SIPA1L1: variants seen among roughly 807,000 people sequenced by gnomAD.
SIPA1L1 encodes the protein signal induced proliferation associated 1 like 1.
A neutral mutation model predicts 162.7 loss-of-function variants in SIPA1L1; 26 were observed. The ratio of observed to expected loss-of-function variants is 0.16; its 90% CI spans 0.12 to 0.22. The LOEUF (loss-of-function observed/expected upper bound fraction) is 0.22. Among genes scored for constraint, SIPA1L1 ranks in the 10% least tolerant of loss-of-function variants. The pLI is 1.00. For synonymous variants in SIPA1L1, 829 were observed against 837.4 expected, an observed-to-expected ratio of 0.99 and a Z score of 0.17; for missense variants, 1,874 against 2,241.0, an observed-to-expected ratio of 0.84 and a Z score of 3.31.
At chr14:71,385,965 C>T (rs1368332139) in intron 2 of SIPA1L1, among the ~76,000 whole-genome samples, 2 of 152,156 alleles carry the variant, frequency 1.3e-5, no homozygotes, top group South Asian at 2.1e-4. Flanking sequence ...GGATTACAAG[C>T]GTGTGCCATC....
intron 2 of SIPA1L1, among the ~76,000 whole-genome samples, chr14:71,439,634 T>C (rs1335267271): frequency 6.6e-6 from 1 of 152,250 alleles, no homozygotes; most frequent in Non-Finnish European, 1.5e-5. Flanking sequence ...TAAAGTGTCA[T>C]GGACATTATA....
chr14:71,466,775 C>G (rs1595608745), intron 2 of SIPA1L1, among the ~76,000 whole-genome samples: 1 of 152,120 alleles, frequency 6.6e-6, no homozygotes, highest in Non-Finnish European at 1.5e-5. Flanking sequence ...TGTTCATGGT[C>G]TCAAGCACAT....
intron 2 of SIPA1L1, among the ~76,000 whole-genome samples, chr14:71,502,255 A>AAAAATATATATAT (rs67020418): frequency 3.2e-4 from 31 of 97,542 alleles, no homozygotes; most frequent in Non-Finnish European, 5.6e-4. Flanking sequence ...AAAAAAAAAA[A>AAAAATATATATAT]ATATATATAT....
chr14:71,341,987 A>G (rs933939688), intron 2 of SIPA1L1, among the ~76,000 whole-genome samples: 5 of 151,940 alleles, frequency 3.3e-5, no homozygotes, highest in African/African-American at 1.2e-4. Context: ...GTGTCTTTTC[A>G]GTAGAATGAC....
At position 71,706,986 on chromosome 14, in the gene SIPA1L1, G is replaced by C. The variant is rs536013128; in HGVS notation, c.3765+1646G>C. ...GGAGGCAGAGGTTGCAGTGAGCTGAGATCATGCCACTGCACGCCAGCCTGG... is the reference window on the plus strand; with the variant it reads ...GGAGGCAGAGGTTGCAGTGAGCTGACATCATGCCACTGCACGCCAGCCTGG... On this transcript the variant is annotated intron_variant, in intron 16 of 23. Transcript: ENST00000381232. 5.4e-5 allele frequency among the ~76,000 whole-genome samples: 8 copies of C among 147,570 alleles called. No individual in the cohort carries two copies. The South Asian group carries it at 1.8e-3, about 33-fold the overall frequency.
intron 12 of SIPA1L1, among the ~76,000 whole-genome samples, chr14:71,677,454 G>C (rs372863066): frequency 1.3e-5 from 2 of 152,166 alleles, no homozygotes; most frequent in African/African-American, 4.8e-5. Context: ...GTTTATTTTG[G>C]TGTGCAGAAG....
chr14:71,727,664 A>G (rs1325584473), intron 19 of SIPA1L1, among the ~76,000 whole-genome samples: 2 of 152,128 alleles, frequency 1.3e-5, no homozygotes, highest in African/African-American at 4.8e-5. Context: ...TCCCACTTCC[A>G]GTGCCATCCC....
chr14:71,535,634 C>CA (rs1187662344), intron 4 of SIPA1L1, among the ~76,000 whole-genome samples: 1 of 151,104 alleles, frequency 6.6e-6, no homozygotes, highest in Admixed American at 6.6e-5. Flanking sequence ...TCTTTTGAGA[C>CA]AGAGTCTCAG....
chr14:71,451,949 A>G (rs893761271), intron 2 of SIPA1L1, among the ~76,000 whole-genome samples: 21 of 152,320 alleles, frequency 1.4e-4, no homozygotes, highest in African/African-American at 5.1e-4. Context: ...AATTTCGTGA[A>G]CAAAACACCA....
chr14:71,595,863 C>A (rs117893254), intron 5 of SIPA1L1, among the ~76,000 whole-genome samples: 209 of 152,288 alleles, frequency 1.4e-3, no homozygotes, highest in Non-Finnish European at 2.5e-3. Flanking sequence ...TTGCAGGTAA[C>A]TTCTGTTCCT....
At chr14:71,481,003 A>G (rs893354679) in intron 2 of SIPA1L1, among the ~76,000 whole-genome samples, 3 of 152,236 alleles carry the variant, frequency 2.0e-5, no homozygotes, top group African/African-American at 7.2e-5. Context: ...AGGTGCAGAA[A>G]TGCACCCAGG....
At chr14:71,473,957 G>A (rs1349665845) in intron 2 of SIPA1L1, among the ~76,000 whole-genome samples, 1 of 152,324 alleles carries the variant, frequency 6.6e-6, no homozygotes, top group East Asian at 1.9e-4. Context: ...CAGATGACAA[G>A]TGTCCTATTT....
intron 2 of SIPA1L1, among the ~76,000 whole-genome samples, chr14:71,337,580 C>A (rs1166572743): frequency 6.6e-6 from 1 of 152,190 alleles, no homozygotes; most frequent in Non-Finnish European, 1.5e-5. Context: ...TATTCACTAT[C>A]ACAAGAACAG....
At chr14:71,469,441 C>T in intron 2 of SIPA1L1, among the ~76,000 whole-genome samples, 1 of 152,080 alleles carries the variant, frequency 6.6e-6, no homozygotes. Context: ...ACATTATGAC[C>T]CTCCTAGAGG....
In SIPA1L1 at chr14:71,385,686, CTTTTTTTT is replaced by C. The variant is rs532140419; in HGVS notation, c.-465+64518_-465+64525del. Among the ~76,000 whole-genome samples the C allele has an allele frequency of 6.9e-4, 77 of 112,390 alleles. 2 individuals carry two copies. The highest frequency in any genetic ancestry group is 2.2e-3 in the African/African-American group (68 of 30,238). The allele number at this position is 112,390 out of a possible 152,430, so 73.7% of individuals were successfully genotyped here. On this transcript the variant is annotated intron_variant, in intron 2 of 23. Coordinates refer to ENST00000381232, the MANE Select transcript of SIPA1L1 (RefSeq NM_001386936.1). ...GATGCTTTACTTTCTTTTGTACATT[CTTTTTTTT>C]TTTTTTTTTTTTGAAACAAGTCTTG...
intron 2 of SIPA1L1, among the ~76,000 whole-genome samples, chr14:71,336,716 C>G (rs774746105): frequency 1.6e-4 from 24 of 152,146 alleles, no homozygotes; most frequent in Non-Finnish European, 2.6e-4. Flanking sequence ...AGTACTAATC[C>G]ACCAGTGCAT....
At chr14:71,599,005 A>G (rs991671467) in intron 5 of SIPA1L1, among the ~76,000 whole-genome samples, 3 of 151,776 alleles carry the variant, frequency 2.0e-5, no homozygotes, top group Admixed American at 6.6e-5. Flanking sequence ...TACACTCTCT[A>G]CCTCCATGAA....
intron 5 of SIPA1L1, among the ~76,000 whole-genome samples, chr14:71,592,440 A>G (rs1596314606): frequency 6.6e-6 from 1 of 152,240 alleles, no homozygotes; most frequent in East Asian, 1.9e-4. Flanking sequence ...TTAGCAGACT[A>G]ACTCATTTTT....
intron 4 of SIPA1L1, among the ~76,000 whole-genome samples, chr14:71,533,735 ACATAT>A: frequency 6.6e-6 from 1 of 152,240 alleles, no homozygotes; most frequent in Non-Finnish European, 1.5e-5. Flanking sequence ...GTTGAAAATC[ACATAT>A]TCAAATTATA....
Sources: allele counts gnomAD v4.1 joint callset (sites outside exome capture counted in the v4.1 genomes callset), GRCh38; gene constraint gnomAD v4.1.1; transcripts MANE v1.5; gene names NCBI Gene and HGNC (gene_info 2026-07-23, HGNC 2026-07-21).